TLR4: variants seen among roughly 807,000 people sequenced by gnomAD.
TLR4 encodes toll like receptor 4.
TLR4 carries 17 observed loss-of-function variants against 27.4 expected under a neutral mutation model. The ratio of observed to expected loss-of-function variants is 0.62; its 90% CI spans 0.42 to 0.93. The LOEUF (loss-of-function observed/expected upper bound fraction) is 0.93, where lower values mean the gene tolerates loss of function less well. TLR4 is among the 40% of genes least tolerant of loss of function. The pLI, the probability that TLR4 is intolerant of heterozygous loss-of-function variation, is 0.00. For missense variants in TLR4, 926 were observed against 962.3 expected, an observed-to-expected ratio of 0.96 and a Z score of 0.50; for synonymous variants, 363 against 365.7, an observed-to-expected ratio of 0.99 and a Z score of 0.08.
rs1401707382 is a variant in TLR4 at position 117,716,325 on chromosome 9, G to GA, written c.*1682dup. On this transcript the variant is annotated 3_prime_UTR_variant, in exon 3 of 3. Transcript: ENST00000355622. The stretch of plus-strand genomic sequence containing the variant: ...TATGGAAACAACCCAAATTTCCATT[G>GA]AAAAATAAATGGACAAAGAAAATGT... 1.4e-4 allele frequency: 22 copies of GA among 152,104 alleles called. No individual in the cohort carries two copies. The highest frequency in any genetic ancestry group is 5.3e-4 in the African/African-American group (22 of 41,504). 9.4% of individuals were successfully genotyped at this position (152,104 alleles called of 1,614,324 possible). A position where few individuals can be genotyped will look rare whatever the true frequency, so the allele number is the denominator to read the frequency against.
chr9:117,708,337 T>C, intron 1 of TLR4: 4 of 1,346,648 alleles, frequency 3.0e-6, no homozygotes, highest in Admixed American at 6.1e-5. Flanking sequence ...GCTGAGCACG[T>C]AGTAGGTGCT....
At position 117,714,309 on chromosome 9, in the gene TLR4, C is replaced by T; in HGVS notation, c.2181C>T (p.Phe727=). ...AIAANIIHEG[F]HKSRKVIVVV... ...CTGCCAACATCATCCATGAAGGTTT[C>T]CATAAAAGCCGAAAGGTGATTGTTG... is the stretch of plus-strand genomic sequence containing the variant. Residue 727 remains phenylalanine (F), a synonymous_variant, in exon 3 of 3, where the codon TTC becomes TTT. Coordinates refer to ENST00000355622, the MANE Select transcript of TLR4 (RefSeq NM_138554.5). 2 of 1,593,580 alleles carry T rather than the reference C, an allele frequency of 1.3e-6. No individual in the cohort carries two copies. Among genetic ancestry groups the T allele is most frequent in the South Asian group, 2.2e-5 (2 of 89,882 alleles).
Position 117,722,239 on chromosome 9 carries a change from C to T in TLR4, c.*7591C>T, listed in dbSNP as rs532620401. ...GTACTAAGATTCCAAAAATGACTTT[C>T]CCCTCTGAAAAACACAGGATTTCCT... is the stretch of plus-strand genomic sequence containing the variant. On this transcript the variant is annotated 3_prime_UTR_variant, in exon 3 of 3. Coordinates refer to ENST00000355622, the MANE Select transcript of TLR4 (RefSeq NM_138554.5). 1.1e-4 allele frequency: 16 copies of T among 152,260 alleles called. No individual in the cohort carries two copies. The South Asian group carries it at 3.1e-3, about 30-fold the overall frequency. The allele number at this position is 152,260 out of a possible 1,614,324, so 9.4% of individuals were successfully genotyped here. A position where few individuals can be genotyped will look rare whatever the true frequency, so the allele number is the denominator to read the frequency against.
rs780935825 is a variant in TLR4 at position 117,713,547 on chromosome 9, C to T, written c.1419C>T (p.Leu473=). Residue 473 remains leucine (L), a synonymous_variant, in exon 3 of 3, where the codon CTC becomes CTT. Transcript: ENST00000355622. ...FNGIFNGLSS[L]EVLKMAGNSF... is the part of the protein sequence containing the mutation. ...GCATCTTCAATGGCTTGTCCAGTCTCGAAGTCTTGAAAATGGCTGGCAATT... is the reference window on the plus strand; with the variant it reads ...GCATCTTCAATGGCTTGTCCAGTCTTGAAGTCTTGAAAATGGCTGGCAATT... 10 of 1,614,068 alleles carry T rather than the reference C, an allele frequency of 6.2e-6. No individual in the cohort carries two copies. The highest frequency in any genetic ancestry group is 1.6e-4 in the Middle Eastern group (1 of 6,062).
Position 117,704,435 on chromosome 9 carries a change from C to T in TLR4, c.-38C>T, listed in dbSNP as rs769173214. ...GATAGCGAGCCACGCATTCACAGGG[C>T]CACTGCTGCTCACAGAAGCAGTGAG... On this transcript the variant is annotated 5_prime_UTR_variant, in exon 1 of 3. Transcript: ENST00000355622. 1.8e-5 allele frequency: 29 copies of T among 1,575,900 alleles called. No homozygotes were observed. Among genetic ancestry groups the T allele is most frequent in the Non-Finnish European group, 2.5e-5 (29 of 1,150,568 alleles).
Position 117,708,710 on chromosome 9 carries a change from C to T in TLR4, c.241C>T (p.Gln81Ter). ...TAGCTTCTTCAGTTTCCCAGAACTG[C>T]AGGTGCTGGATTTATCCAGGTAATG... Reference protein sequence around the residue: ...SYSFFSFPELQVLDLSRCEIQ... With the variant: ...SYSFFSFPEL The change falls in exon 2 of 3, where the codon CAG becomes TAG. Residue 81 changes from glutamine to a stop codon, truncating the protein, a stop_gained. Transcript: ENST00000355622. LOFTEE classifies it low-confidence loss of function (END_TRUNC). 1 of 1,613,850 alleles carries T rather than the reference C, an allele frequency of 6.2e-7. No individual in the cohort carries two copies.
In TLR4 at chr9:117,714,544, A is replaced by G. The variant is rs201730622; in HGVS notation, c.2416A>G (p.Ile806Val). 1.2e-6 allele frequency: 2 copies of G among 1,613,974 alleles called. No individual in the cohort carries two copies. The highest frequency in any genetic ancestry group is 1.1e-5 in the South Asian group (1 of 91,076). Residue 806 changes from isoleucine to valine, a missense_variant, in exon 3 of 3, where the codon ATC (isoleucine) becomes GTC (valine). Ile to Val is a conservative substitution (Grantham distance 29). Coordinates refer to ENST00000355622, the MANE Select transcript of TLR4 (RefSeq NM_138554.5). Reference sequence around the variant, plus strand: ...GGAGGACAGTGTCCTGGGGCGGCACATCTTCTGGAGACGACTCAGAAAAGC... The same window carrying G: ...GGAGGACAGTGTCCTGGGGCGGCACGTCTTCTGGAGACGACTCAGAAAAGC... ...EWEDSVLGRHIFWRRLRKALL... is the reference protein window; with the variant it reads ...EWEDSVLGRHVFWRRLRKALL...
In TLR4 at chr9:117,720,695, C is replaced by G. The variant is rs1195119113; in HGVS notation, c.*6047C>G. On this transcript the variant is annotated 3_prime_UTR_variant, in exon 3 of 3. Coordinates refer to ENST00000355622, the MANE Select transcript of TLR4 (RefSeq NM_138554.5). ...TAATTAAATCAAAACCAGCCAGTTACCAATTTGAGCTCTTGACTCATACTA... is the reference window on the plus strand; with the variant it reads ...TAATTAAATCAAAACCAGCCAGTTAGCAATTTGAGCTCTTGACTCATACTA... 6.6e-6 allele frequency: 1 copy of G among 152,186 alleles called. No homozygotes were observed. The highest frequency in any genetic ancestry group is 1.5e-5 in the Non-Finnish European group (1 of 68,058). 9.4% of individuals were successfully genotyped at this position (152,186 alleles called of 1,614,324 possible).
intron 1 of TLR4, among the ~76,000 whole-genome samples, chr9:117,706,706 C>T (rs1829142650): frequency 6.6e-6 from 1 of 152,160 alleles, no homozygotes; most frequent in Non-Finnish European, 1.5e-5. Context: ...CTTCCAAGAC[C>T]CACTTTAAAA....
rs1564265301 is a variant in TLR4, at chr9:117,712,534, A to T, written c.406A>T (p.Thr136Ser). 3 of 1,613,888 alleles carry T rather than the reference A, an allele frequency of 1.9e-6. No individual in the cohort carries two copies. Among genetic ancestry groups the T allele is most frequent in the Non-Finnish European group, 2.5e-6 (3 of 1,179,956 alleles). The stretch of plus-strand genomic sequence containing the variant: ...TTTACAGAAGCTGGTGGCTGTGGAG[A>T]CAAATCTAGCATCTCTAGAGAACTT... ...SSLQKLVAVE[T>S]NLASLENFPI... The change falls in exon 3 of 3, where the codon ACA (threonine) becomes TCA (serine). Residue 136 changes from threonine (T) to serine (S), a missense_variant. Coordinates refer to ENST00000355622, the MANE Select transcript of TLR4 (RefSeq NM_138554.5).
chr9:117,716,716 G>A lies in TLR4; in HGVS notation c.*2068G>A, dbSNP rs1222259172. ...ATTTTGTTAAGAGGGTACCTCTCAT[G>A]TTAAGTGTTCTTACCATATACATAT... On this transcript the variant is annotated 3_prime_UTR_variant, in exon 3 of 3. Transcript: ENST00000355622. The A allele has an allele frequency of 1.3e-5, 2 of 152,202 alleles. No individual in the cohort carries two copies. The highest frequency in any genetic ancestry group is 2.1e-4 in the South Asian group (1 of 4,832). The allele number at this position is 152,202 out of a possible 1,614,324, so 9.4% of individuals were successfully genotyped here.
Position 117,719,136 on chromosome 9 carries a change from T to C in TLR4, c.*4488T>C, listed in dbSNP as rs935877041. The C allele has an allele frequency of 1.3e-5, 2 of 152,218 alleles. No homozygotes were observed. The highest frequency in any genetic ancestry group is 4.8e-5 in the African/African-American group (2 of 41,458). The allele number at this position is 152,218 out of a possible 1,614,324, so 9.4% of individuals were successfully genotyped here. On this transcript the variant is annotated 3_prime_UTR_variant, in exon 3 of 3. Coordinates refer to ENST00000355622, the MANE Select transcript of TLR4 (RefSeq NM_138554.5). Reference sequence around the variant, plus strand: ...GTCTTAATTCATGAAATGGAGGTAATAATACCTTGTTGGCAGACCTCACTT... The same window carrying C: ...GTCTTAATTCATGAAATGGAGGTAACAATACCTTGTTGGCAGACCTCACTT...
chr9:117,709,357 T>C (rs1829192270), intron 2 of TLR4, among the ~76,000 whole-genome samples: 1 of 152,102 alleles, frequency 6.6e-6, no homozygotes, highest in Admixed American at 6.6e-5. Flanking sequence ...ATTCAAACAA[T>C]GTCTAGAATA....
chr9:117,708,945 G>A, intron 2 of TLR4: 2 of 539,834 alleles, frequency 3.7e-6, no homozygotes, highest in South Asian at 4.5e-5. Context: ...GGCTGAGACA[G>A]CTTCTAAGGG....
Position 117,713,811 on chromosome 9 carries a change from A to C in TLR4, c.1683A>C (p.Lys561Asn). ...TCAATCACATAATGACTTCCAAAAA[A>C]CAGGAACTACAGCATTTTCCAAGTA... ...YSLNHIMTSK[K>N]QELQHFPSSL... The change falls in exon 3 of 3, where the codon AAA (lysine) becomes AAC (asparagine). Residue 561 changes from lysine (K) to asparagine (N), a missense_variant. Lys to Asn is a moderately conservative substitution (Grantham distance 94). Transcript: ENST00000355622. The C allele has an allele frequency of 6.2e-7, 1 of 1,613,990 alleles. No individual in the cohort carries two copies. Among genetic ancestry groups the C allele is most frequent in the Non-Finnish European group, 8.5e-7 (1 of 1,180,000 alleles).
chr9:117,712,961 A>C lies in TLR4; in HGVS notation c.833A>C (p.Glu278Ala). 6.2e-7 allele frequency: 1 copy of C among 1,614,144 alleles called. No individual in the cohort carries two copies. Among genetic ancestry groups the C allele is most frequent in the Non-Finnish European group, 8.5e-7 (1 of 1,179,994 alleles). Residue 278 changes from glutamate to alanine, a missense_variant, in exon 3 of 3, where the codon GAG becomes GCG. By Grantham distance (107) the Glu-to-Ala change is moderately radical (BLOSUM62 -1). Transcript: ENST00000355622. The stretch of plus-strand genomic sequence containing the variant: ...GAAAAGTTTGACAAATCTGCTCTAG[A>C]GGGCCTGTGCAATTTGACCATTGAA... ...NLEKFDKSALEGLCNLTIEEF... is the reference protein window; with the variant it reads ...NLEKFDKSALAGLCNLTIEEF...
rs754066559 is a variant in TLR4, at chr9:117,713,331, A to C, written c.1203A>C (p.Leu401=). ...AAAGTGATTTTGGGACAACCAGCCT[A>C]AAGTATTTAGATCTGAGCTTCAATG... ...CSQSDFGTTS[L]KYLDLSFNGV... is the part of the protein sequence containing the mutation. Residue 401 remains leucine, a synonymous_variant, in exon 3 of 3, where the codon CTA becomes CTC. Coordinates refer to ENST00000355622, the MANE Select transcript of TLR4 (RefSeq NM_138554.5). 1 of 1,613,968 alleles carries C rather than the reference A, an allele frequency of 6.2e-7. No individual in the cohort carries two copies. Among genetic ancestry groups the C allele is most frequent in the Non-Finnish European group, 8.5e-7 (1 of 1,180,022 alleles).
Position 117,723,530 on chromosome 9 carries a change from A to G in TLR4, c.*8882A>G, listed in dbSNP as rs1829445409. 1 of 152,200 alleles carries G rather than the reference A, an allele frequency of 6.6e-6. No homozygotes were observed. Among genetic ancestry groups the G allele is most frequent in the Non-Finnish European group, 1.5e-5 (1 of 68,034 alleles). 9.4% of individuals were successfully genotyped at this position (152,200 alleles called of 1,614,324 possible). On this transcript the variant is annotated 3_prime_UTR_variant, in exon 3 of 3. Transcript: ENST00000355622. ...GTCTTCTGTGAAAGTTTTGAGAATG[A>G]AATGAGACAGAGCCTCCAATAAAAT...
chr9:117,714,724 A>G lies in TLR4; in HGVS notation c.*76A>G, dbSNP rs1829313326. On this transcript the variant is annotated 3_prime_UTR_variant, in exon 3 of 3. Transcript: ENST00000355622. ...CACTTGTTCAGTTAATAAGTATTAA[A>G]TGCTGCCACATGTCAGGCCTTATGC... The G allele has an allele frequency of 5.7e-6, 7 of 1,237,372 alleles. No homozygotes were observed. The highest frequency in any genetic ancestry group is 1.8e-5 in the Admixed American group (1 of 56,490). The allele number at this position is 1,237,372 out of a possible 1,614,324, so 76.6% of individuals were successfully genotyped here.
Sources: gnomAD v4.1 joint callset for allele counts (sites outside exome capture counted in the v4.1 genomes callset) on GRCh38, gnomAD v4.1.1 for gene constraint, MANE v1.5 for transcripts, NCBI Gene and HGNC (gene_info 2026-07-23, HGNC 2026-07-21) for gene names.